MTDH: variants seen among roughly 807,000 people sequenced by gnomAD.
The protein encoded by MTDH is protein LYRIC.
A neutral mutation model predicts 72.7 loss-of-function variants in MTDH; 34 were observed. That is an observed-to-expected ratio of 0.47 (90% CI 0.36 to 0.62). The LOEUF is 0.62. MTDH is among the 20% of genes least tolerant of loss of function. The pLI, the probability that MTDH is intolerant of heterozygous loss-of-function variation, is 0.00. For synonymous variants in MTDH, 266 were observed against 268.9 expected (o/e 0.99, Z 0.10); for missense variants, 677 against 699.4 (o/e 0.97, Z 0.36).
intron 1 of MTDH, among the ~76,000 whole-genome samples, chr8:97,659,844 G>A (rs1352138448): frequency 6.6e-6 from 1 of 152,148 alleles, no homozygotes; most frequent in African/African-American, 2.4e-5. Context: ...TGGTGATGGG[G>A]CTCAGAAATT....
intron 8 of MTDH, among the ~76,000 whole-genome samples, chr8:97,707,052 G>A (rs914572198): frequency 6.6e-6 from 1 of 152,086 alleles, no homozygotes; most frequent in Non-Finnish European, 1.5e-5. Flanking sequence ...AGAGATAGTG[G>A]ATAATAGCAA....
At chr8:97,661,524 G>A (rs533765950) in intron 2 of MTDH, among the ~76,000 whole-genome samples, 1 of 152,270 alleles carries the variant, frequency 6.6e-6, no homozygotes, top group East Asian at 1.9e-4. Flanking sequence ...ACCTTTGTTA[G>A]TAAGACACAT....
intron 8 of MTDH, among the ~76,000 whole-genome samples, chr8:97,711,192 A>G (rs745892805): frequency 2.6e-5 from 4 of 151,788 alleles, no homozygotes; most frequent in Middle Eastern, 3.4e-3. Context: ...TGTAGATTCA[A>G]ATGCAGTTAT....
chr8:97,669,439 C>T (rs574992531), intron 2 of MTDH, among the ~76,000 whole-genome samples: 2 of 152,104 alleles, frequency 1.3e-5, no homozygotes, highest in South Asian at 2.1e-4. Context: ...TGAGCCACTG[C>T]GCCTGGCACC....
chr8:97,644,984 A>T (rs986212317), intron 1 of MTDH, 97 bp downstream of exon 1: 1 of 1,382,658 alleles, frequency 7.2e-7, no homozygotes, highest in Non-Finnish European at 9.5e-7. Context: ...GAAGGAAAAG[A>T]GTGCTTAGTC....
chr8:97,709,700 A>T (rs191052925), intron 8 of MTDH, among the ~76,000 whole-genome samples: 2 of 152,222 alleles, frequency 1.3e-5, no homozygotes, highest in Admixed American at 1.3e-4. Flanking sequence ...TGTGGATACA[A>T]ATAAATTTAT....
Position 97,644,324 on chromosome 8 carries a change from C to A in MTDH, c.-183C>A. 1 of 739,102 alleles carries A rather than the reference C, an allele frequency of 1.4e-6. No individual in the cohort carries two copies. Among genetic ancestry groups the A allele is most frequent in the Non-Finnish European group, 2.0e-6 (1 of 490,432 alleles). The allele number at this position is 739,102 out of a possible 1,614,324, so 45.8% of individuals were successfully genotyped here. On this transcript the variant is annotated 5_prime_UTR_variant, in exon 1 of 12. Transcript: ENST00000336273. ...GCGGAGTGAGGCTGACAGCGGGGAA[C>A]CTGGGAGACCCCTCCGCCCTCCCCG...
intron 7 of MTDH, among the ~76,000 whole-genome samples, chr8:97,701,576 T>C (rs1380114548): frequency 6.6e-6 from 1 of 152,140 alleles, no homozygotes; most frequent in East Asian, 1.9e-4. Flanking sequence ...AAGCACTATT[T>C]TTGGGGAAAA....
intron 1 of MTDH, among the ~76,000 whole-genome samples, chr8:97,655,646 G>C (rs962582907): frequency 1.3e-5 from 2 of 152,174 alleles, no homozygotes; most frequent in East Asian, 3.9e-4. Context: ...GGCCATCATA[G>C]CTTTGGAGAG....
intron 2 of MTDH, among the ~76,000 whole-genome samples, 172 bp downstream of exon 2, chr8:97,661,345 G>GT (rs1242059667): frequency 6.6e-6 from 1 of 151,800 alleles, no homozygotes; most frequent in Non-Finnish European, 1.5e-5. Flanking sequence ...AGTTGTTTTT[G>GT]TTTTTTTAAA....
At chr8:97,712,869 G>T (rs758464916) in intron 8 of MTDH, among the ~76,000 whole-genome samples, 4 of 151,912 alleles carry the variant, frequency 2.6e-5, no homozygotes, top group Admixed American at 6.6e-5. Flanking sequence ...TTTCTAAGGG[G>T]ATTTTTTTTT....
intron 11 of MTDH, 139 bp from the exon 12 acceptor site, chr8:97,724,461 C>A (rs923897612): frequency 1.7e-6 from 1 of 572,094 alleles, no homozygotes. Flanking sequence ...AAATATATAA[C>A]GAGGGCTTGA....
chr8:97,662,485 GT>G (rs1167620529), intron 2 of MTDH, among the ~76,000 whole-genome samples: 33 of 151,430 alleles, frequency 2.2e-4, no homozygotes, highest in African/African-American at 7.7e-4. Flanking sequence ...TGGAATAGTG[GT>G]ATGAAATGGT....
chr8:97,715,966 A>G (rs781377474), intron 9 of MTDH, among the ~76,000 whole-genome samples: 1 of 152,144 alleles, frequency 6.6e-6, no homozygotes, highest in Non-Finnish European at 1.5e-5. Context: ...AGTCAGATCT[A>G]TATTCTGAAT....
rs569993131 is a variant in MTDH, at chr8:97,670,937, T to G, written c.483+9764T>G. Among the ~76,000 whole-genome samples the G allele has an allele frequency of 6.5e-4, 95 of 145,274 alleles. 1 individual carries two copies. The highest frequency in any genetic ancestry group is 5.2e-3 in the East Asian group (26 of 4,954). On this transcript the variant is annotated intron_variant, in intron 2 of 11. Transcript: ENST00000336273. The stretch of plus-strand genomic sequence containing the variant: ...ACGCCTGGCTAATTTTTTTGTTTTT[T>G]TTGTTGTTGTTGTTGTTTTTTTTTT...
intron 5 of MTDH, 64 bp from the exon 6 acceptor site, chr8:97,690,888 G>C: frequency 8.7e-7 from 1 of 1,148,502 alleles, no homozygotes; most frequent in East Asian, 2.4e-5. Context: ...ATAGAAATGT[G>C]AAAATATCCC....
rs1413732111 is a variant in MTDH, at chr8:97,725,394, T to C, written c.*724T>C. The C allele has an allele frequency of 6.6e-6, 1 of 152,578 alleles. No homozygotes were observed. Among genetic ancestry groups the C allele is most frequent in the Admixed American group, 6.5e-5 (1 of 15,274 alleles). The allele number at this position is 152,578 out of a possible 1,614,324, so 9.5% of individuals were successfully genotyped here. ...ACTATATGTATTTGTTTTATACATT[T>C]AAGGCTTAGACTCATAAATAATGCT... is the stretch of plus-strand genomic sequence containing the variant. On this transcript the variant is annotated 3_prime_UTR_variant, in exon 12 of 12. Transcript: ENST00000336273.
At chr8:97,710,515 C>T (rs1814580719) in intron 8 of MTDH, among the ~76,000 whole-genome samples, 1 of 140,968 alleles carries the variant, frequency 7.1e-6, no homozygotes, top group African/African-American at 2.9e-5. Context: ...CATGGTGAAC[C>T]CCGTCTCTAC....
At chr8:97,678,278 T>A (rs1382530858) in intron 2 of MTDH, among the ~76,000 whole-genome samples, 1 of 152,184 alleles carries the variant, frequency 6.6e-6, no homozygotes, top group Non-Finnish European at 1.5e-5. Flanking sequence ...TGGACGGCTT[T>A]GACTGGAATT....
Sources: gnomAD v4.1 joint callset for allele counts (sites outside exome capture counted in the v4.1 genomes callset) on GRCh38, gnomAD v4.1.1 for gene constraint, MANE v1.5 for transcripts, NCBI Gene and HGNC (gene_info 2026-07-23, HGNC 2026-07-21) for gene names.